Variants in COL21A1 observed in about 807,000 individuals in gnomAD.
COL21A1 encodes collagen type XXI alpha 1 chain, also known as collagen alpha-1(XXI) chain.
Under a neutral mutation model 137.9 loss-of-function variants are expected in COL21A1, and 149 were observed. The observed-to-expected ratio is 1.08, with a 90% CI of 0.95 to 1.24. COL21A1 has a LOEUF of 1.24. Ranked by LOEUF, COL21A1 falls within the 50% of genes most tolerant of loss-of-function variation. The pLI is 0.00. For synonymous variants in COL21A1, 456 were observed against 391.5 expected (o/e 1.16, Z -1.95); for missense variants, 1,167 against 1,158.4 (o/e 1.01, Z -0.11).
chr6:56,248,235 C>A (rs1302481463), upstream of COL21A1, among the ~76,000 whole-genome samples: 1 of 152,142 alleles, frequency 6.6e-6, no homozygotes, highest in Non-Finnish European at 1.5e-5. Flanking sequence ...CTTTTCTCAC[C>A]CGTGTGCACC....
intron 14 of COL21A1, 29 bp from the exon 15 acceptor site, chr6:56,124,321 A>G: frequency 6.4e-7 from 1 of 1,571,102 alleles, no homozygotes; most frequent in East Asian, 2.3e-5. Context: ...CTTAAAACAC[A>G]ATCTTTACAA....
intron 1 of COL21A1, among the ~76,000 whole-genome samples, chr6:56,290,498 G>GTTTTTTTTTTTTTTT (rs371058894): frequency 3.8e-5 from 5 of 132,958 alleles, no homozygotes; most frequent in Non-Finnish European, 4.7e-5. Flanking sequence ...TCACTTAGGA[G>GTTTTTTTTTTTTTTT]ATTTTTTTTT....
chr6:56,277,281 C>G (rs1763688943), intron 1 of COL21A1, among the ~76,000 whole-genome samples: 1 of 152,148 alleles, frequency 6.6e-6, no homozygotes, highest in Non-Finnish European at 1.5e-5. Context: ...TCTCCTAATG[C>G]TATCCCTCCC....
intron 1 of COL21A1, among the ~76,000 whole-genome samples, chr6:56,297,410 A>C (rs556671217): frequency 6.6e-6 from 1 of 152,112 alleles, no homozygotes; most frequent in Non-Finnish European, 1.5e-5. Flanking sequence ...CACTACCTTA[A>C]AATTTAATCA....
chr6:56,264,926 G>A (rs1763361422), intron 1 of COL21A1, among the ~76,000 whole-genome samples: 1 of 152,088 alleles, frequency 6.6e-6, no homozygotes, highest in Non-Finnish European at 1.5e-5. Context: ...CTTGATGAAG[G>A]GCATTTTCTT....
intron 1 of COL21A1, among the ~76,000 whole-genome samples, chr6:56,314,782 A>C (rs991089234): frequency 6.6e-6 from 1 of 152,196 alleles, no homozygotes; most frequent in African/African-American, 2.4e-5. Context: ...TATGGTTCTT[A>C]GTGCATTCTC....
At chr6:56,156,525 TC>T (rs1561926280) in intron 10 of COL21A1, among the ~76,000 whole-genome samples, 1 of 152,118 alleles carries the variant, frequency 6.6e-6, no homozygotes, top group Non-Finnish European at 1.5e-5. Context: ...GAAGATAGTG[TC>T]CCCACTATCT....
At chr6:56,078,003 A>G in intron 17 of COL21A1, 3 of 439,914 alleles carry the variant, frequency 6.8e-6, no homozygotes, top group Non-Finnish European at 1.4e-5. Flanking sequence ...ATTTAATTAA[A>G]TGATTGCCTC....
rs145113102 is a variant in COL21A1, at chr6:56,183,773, G to A, written c.-38-1117C>T. On this transcript the variant is annotated intron_variant, in intron 1 of 29. Coordinates refer to ENST00000244728, the MANE Select transcript of COL21A1 (RefSeq NM_030820.4). ...AGCAAAAAGTGTTTGTAAAATGGCA[G>A]TGATAAATACATTAAAGGATCTAGT... Among the ~76,000 whole-genome samples, 191 of 152,270 alleles carry A rather than the reference G, an allele frequency of 1.3e-3. 1 individual carries two copies. Among genetic ancestry groups the A allele is most frequent in the African/African-American group, 4.4e-3 (182 of 41,558 alleles).
At chr6:56,068,190 GCC>G (rs933135234) in intron 22 of COL21A1, among the ~76,000 whole-genome samples, 6 of 151,482 alleles carry the variant, frequency 4.0e-5, no homozygotes, top group African/African-American at 1.5e-4. Flanking sequence ...AGAACAAAAA[GCC>G]CAAGGATCAT....
At chr6:56,152,850 G>T (rs1021751596) in intron 10 of COL21A1, among the ~76,000 whole-genome samples, 1 of 152,154 alleles carries the variant, frequency 6.6e-6, no homozygotes, top group African/African-American at 2.4e-5. Flanking sequence ...TGACATCAGT[G>T]TGTGAACTGC....
intron 1 of COL21A1, among the ~76,000 whole-genome samples, chr6:56,365,888 C>T (rs988262533): frequency 6.6e-5 from 10 of 152,216 alleles, no homozygotes; most frequent in African/African-American, 2.4e-4. Context: ...GATGCCACCT[C>T]AGTATATGGA....
At chr6:56,104,626 C>G (rs867104328) in intron 16 of COL21A1, among the ~76,000 whole-genome samples, 2 of 152,126 alleles carry the variant, frequency 1.3e-5, no homozygotes, top group South Asian at 4.1e-4. Context: ...GTCTCATATC[C>G]GATTTATTGT....
chr6:56,072,257 C>T (rs1766824781), intron 20 of COL21A1, among the ~76,000 whole-genome samples: 1 of 151,422 alleles, frequency 6.6e-6, no homozygotes, highest in Non-Finnish European at 1.5e-5. Context: ...AATAGTGCTG[C>T]AATGAACATA....
intron 1 of COL21A1, among the ~76,000 whole-genome samples, chr6:56,276,005 A>G (rs1763638483): frequency 6.6e-6 from 1 of 152,230 alleles, no homozygotes; most frequent in African/African-American, 2.4e-5. Context: ...GATGAATCAA[A>G]TGTGGTATAT....
chr6:56,196,866 A>G (rs1289472106), intron 1 of COL21A1, among the ~76,000 whole-genome samples: 4 of 152,120 alleles, frequency 2.6e-5, no homozygotes, highest in Non-Finnish European at 4.4e-5. Flanking sequence ...TTTTTACAAA[A>G]ATAGAAAAAT....
At chr6:56,177,588 T>C (rs1194044815) in intron 3 of COL21A1, among the ~76,000 whole-genome samples, 4 of 151,894 alleles carry the variant, frequency 2.6e-5, no homozygotes, top group East Asian at 3.9e-4. Context: ...GGTCAGGAGA[T>C]AGAGATTCAT....
chr6:56,207,460 C>A (rs1341424550), intron 1 of COL21A1, among the ~76,000 whole-genome samples: 1 of 152,170 alleles, frequency 6.6e-6, no homozygotes, highest in East Asian at 1.9e-4. Context: ...TACCTGGCCA[C>A]TAACACCCTC....
chr6:56,177,223 G>T (rs1777556087), intron 3 of COL21A1, among the ~76,000 whole-genome samples: 1 of 151,994 alleles, frequency 6.6e-6, no homozygotes, highest in Non-Finnish European at 1.5e-5. Context: ...CTCTTCCAGA[G>T]AAATAATAGG....
Sources: gnomAD v4.1 joint callset for allele counts (sites outside exome capture counted in the v4.1 genomes callset) on GRCh38, gnomAD v4.1.1 for gene constraint, MANE v1.5 for transcripts, NCBI Gene and HGNC (gene_info 2026-07-23, HGNC 2026-07-21) for gene names.